Variants in PRRX2 observed in about 807,000 individuals in gnomAD.
The protein encoded by PRRX2 is paired mesoderm homeobox protein 2.
A neutral mutation model predicts 18.0 loss-of-function variants in PRRX2; 11 were observed. That is an observed-to-expected ratio of 0.61 (90% CI 0.39 to 1.01). The LOEUF is 1.01. PRRX2 is among the 50% of genes least tolerant of loss of function. The pLI is 0.01. For missense variants in PRRX2, 387 were observed against 351.0 expected (o/e 1.10, Z -0.82); for synonymous variants, 177 against 154.8 (o/e 1.14, Z -1.06).
At chr9:129,668,838 G>A (rs1832062379) in intron 1 of PRRX2, among the ~76,000 whole-genome samples, 2 of 151,342 alleles carry the variant, frequency 1.3e-5, no homozygotes, top group South Asian at 4.2e-4. Flanking sequence ...CACCAAAGAG[G>A]GAGTGCCCCC....
chr9:129,695,491 C>T lies in PRRX2; in HGVS notation c.260-23740C>T, dbSNP rs1351539837. Among the ~76,000 whole-genome samples, 2 of 152,340 alleles carry T rather than the reference C, an allele frequency of 1.3e-5. No homozygotes were observed. Among genetic ancestry groups the T allele is most frequent in the Admixed American group, 6.5e-5 (1 of 15,306 alleles). ...GCTTCTTTGGTTTGGTTTTTATACA[C>T]CCCACAGCCTTGTTGTGTTTACCCC... is the stretch of plus-strand genomic sequence containing the variant. On this transcript the variant is annotated intron_variant, in intron 1 of 3. Transcript: ENST00000372469. This position sits in a 1 kb window ranked among gnomAD's most constrained non-coding sequence, Gnocchi z 4.8.
At position 129,715,982 on chromosome 9, in the gene PRRX2, T is replaced by C. The variant is rs1832701966; in HGVS notation, c.260-3249T>C. Among the ~76,000 whole-genome samples the C allele has an allele frequency of 6.6e-6, 1 of 152,062 alleles. No homozygotes were observed. Among genetic ancestry groups the C allele is most frequent in the Non-Finnish European group, 1.5e-5 (1 of 68,018 alleles). ...AATGCCCAGTACTGTGCAAAGAACA[T>C]CGGGTGTAAAATGGGAACATGTAAC... On this transcript the variant is annotated intron_variant, in intron 1 of 3. Transcript: ENST00000372469. This position sits in a 1 kb window ranked among gnomAD's most constrained non-coding sequence, Gnocchi z 4.0.
chr9:129,682,177 A>AG (rs939493365), intron 1 of PRRX2, among the ~76,000 whole-genome samples: 2 of 151,994 alleles, frequency 1.3e-5, no homozygotes, highest in Non-Finnish European at 2.9e-5. Context: ...CCCTGGGGCA[A>AG]GGGGCTTCTT....
At chr9:129,666,765 G>C (rs957993124) in intron 1 of PRRX2, among the ~76,000 whole-genome samples, 4 of 152,190 alleles carry the variant, frequency 2.6e-5, no homozygotes, top group African/African-American at 9.6e-5. Flanking sequence ...GGGGAGGGAC[G>C]GGGAGAAGAT....
chr9:129,674,872 C>T (rs1832144679), intron 1 of PRRX2, among the ~76,000 whole-genome samples: 1 of 152,172 alleles, frequency 6.6e-6, no homozygotes, highest in African/African-American at 2.4e-5. Flanking sequence ...TCCCAGGAGT[C>T]ACTGCGTCAG....
At chr9:129,691,482 A>C (rs1467779484) in intron 1 of PRRX2, among the ~76,000 whole-genome samples, 1 of 152,012 alleles carries the variant, frequency 6.6e-6, no homozygotes, top group African/African-American at 2.4e-5. Flanking sequence ...GGATGGTAGG[A>C]ATACCACACA....
intron 1 of PRRX2, among the ~76,000 whole-genome samples, chr9:129,676,934 C>T (rs1832168230): frequency 1.3e-5 from 2 of 152,224 alleles, no homozygotes; most frequent in African/African-American, 4.8e-5. Flanking sequence ...TGTTTCATTT[C>T]CCCTCATGGT....
Position 129,665,795 on chromosome 9 carries a change from G to C in PRRX2, c.-73G>C. 1.0e-6 allele frequency: 1 copy of C among 991,050 alleles called. No homozygotes were observed. The highest frequency in any genetic ancestry group is 1.2e-6 in the Non-Finnish European group (1 of 829,602). The allele number at this position is 991,050 out of a possible 1,614,324, so 61.4% of individuals were successfully genotyped here. Reference sequence around the variant, plus strand: ...GCGGGGCGGCCGGGGCTCTCGCTCCGACCCGCGCCCGCGACCCTTCCTGGG... The same window carrying C: ...GCGGGGCGGCCGGGGCTCTCGCTCCCACCCGCGCCCGCGACCCTTCCTGGG... On this transcript the variant is annotated 5_prime_UTR_variant, in exon 1 of 4. Coordinates refer to ENST00000372469, the MANE Select transcript of PRRX2 (RefSeq NM_016307.4). This position sits in a 1 kb window ranked among gnomAD's most constrained non-coding sequence, Gnocchi z 5.3.
chr9:129,681,433 T>C (rs1048022035), intron 1 of PRRX2, among the ~76,000 whole-genome samples: 1 of 152,078 alleles, frequency 6.6e-6, no homozygotes, highest in Non-Finnish European at 1.5e-5. Flanking sequence ...GGCAGGAGAA[T>C]TGCTTGAACC....
At chr9:129,689,049 C>T (rs1342565876) in intron 1 of PRRX2, among the ~76,000 whole-genome samples, 2 of 152,300 alleles carry the variant, frequency 1.3e-5, no homozygotes, top group South Asian at 2.1e-4. Flanking sequence ...TCGTTGGCTG[C>T]GGGTAGGCTC....
chr9:129,686,123 G>A (rs1588165578), intron 1 of PRRX2, among the ~76,000 whole-genome samples: 2 of 152,202 alleles, frequency 1.3e-5, no homozygotes, highest in Admixed American at 1.3e-4. Context: ...AGGATGGCTT[G>A]TAGTGGGTGG....
rs1369568976 is a variant in PRRX2 at position 129,698,319 on chromosome 9, CG to C, written c.260-20911del. 2.1e-5 allele frequency among the ~76,000 whole-genome samples: 3 copies of C among 144,572 alleles called. No homozygotes were observed. The Admixed American group carries it at 2.1e-4, about 10-fold the overall frequency. The allele number at this position is 144,572 out of a possible 152,430, so 94.8% of individuals were successfully genotyped here. On this transcript the variant is annotated intron_variant, in intron 1 of 3. Coordinates refer to ENST00000372469, the MANE Select transcript of PRRX2 (RefSeq NM_016307.4). The stretch of plus-strand genomic sequence containing the variant: ...TCCATGGTTCTCCACCAAAAGGAAG[CG>C]TAAGACCAGGCGGTGGTGCTGCCAG...
intron 3 of PRRX2, among the ~76,000 whole-genome samples, chr9:129,720,999 A>G (rs1045551841): frequency 1.3e-5 from 2 of 150,292 alleles, no homozygotes; most frequent in Admixed American, 1.3e-4. Context: ...GTGTGTGTCA[A>G]CGTACATGTG....
In PRRX2 at chr9:129,695,014, T is replaced by G. The variant is rs1832403710; in HGVS notation, c.260-24217T>G. Among the ~76,000 whole-genome samples, 1 of 152,040 alleles carries G rather than the reference T, an allele frequency of 6.6e-6. No homozygotes were observed. The highest frequency in any genetic ancestry group is 1.5e-5 in the Non-Finnish European group (1 of 68,000). On this transcript the variant is annotated intron_variant, in intron 1 of 3. Transcript: ENST00000372469. This position sits in a 1 kb window ranked among gnomAD's most constrained non-coding sequence, Gnocchi z 4.8. The stretch of plus-strand genomic sequence containing the variant: ...ACCATGGAGGAGGAATGGGGCGAGC[T>G]GCAGGCTGGCTCAGAGGGGTCTGGG...
intron 1 of PRRX2, among the ~76,000 whole-genome samples, chr9:129,685,317 G>T (rs368482476): frequency 1.3e-5 from 2 of 152,230 alleles, no homozygotes; most frequent in African/African-American, 4.8e-5. Context: ...TCCGCTTGCC[G>T]TGCCATCACA....
Position 129,719,251 on chromosome 9 carries a change from C to T in PRRX2, c.280C>T (p.Arg94Cys). 2 of 1,599,280 alleles carry T rather than the reference C, an allele frequency of 1.3e-6. No homozygotes were observed. The highest frequency in any genetic ancestry group is 1.1e-5 in the South Asian group (1 of 89,066). Residue 94 changes from arginine to cysteine, a missense_variant, in exon 2 of 4, where the codon CGC becomes TGC. Physicochemically the swap from Arg to Cys is radical, Grantham distance 180. Coordinates refer to ENST00000372469, the MANE Select transcript of PRRX2 (RefSeq NM_016307.4). ...CGCAGGTGAGTGTCCCAGCCCGGGG[C>T]GCGGTAGCGCCGCCAAGCGGAAGAA... ...PQDGECPSPGRGSAAKRKKKQ... is the reference protein window; with the variant it reads ...PQDGECPSPGCGSAAKRKKKQ...
At position 129,671,299 on chromosome 9, in the gene PRRX2, G is replaced by T. The variant is rs374308065; in HGVS notation, c.259+5173G>T. On this transcript the variant is annotated intron_variant, in intron 1 of 3. Coordinates refer to ENST00000372469, the MANE Select transcript of PRRX2 (RefSeq NM_016307.4). The surrounding 1 kb of genome is among the most constrained non-coding windows in gnomAD (Gnocchi z 4.0). ...TGCTGGGCCTCCCAGCGTGGCTAGG[G>T]CGGGACAGTGGCCTGCATCTCGGCC... Among the ~76,000 whole-genome samples, 1 of 152,206 alleles carries T rather than the reference G, an allele frequency of 6.6e-6. No homozygotes were observed. Among genetic ancestry groups the T allele is most frequent in the African/African-American group, 2.4e-5 (1 of 41,452 alleles).
intron 1 of PRRX2, among the ~76,000 whole-genome samples, chr9:129,684,532 A>ACACACACACACACACACACACCCCC (rs1165343797): frequency 7.1e-6 from 1 of 140,282 alleles, no homozygotes; most frequent in Non-Finnish European, 1.5e-5. Context: ...ACCCACACAC[A>ACACACACACACACACACACACCCCC]CCCCAACAGA....
intron 1 of PRRX2, among the ~76,000 whole-genome samples, chr9:129,698,603 C>G (rs531734810): frequency 1.1e-4 from 17 of 152,232 alleles, no homozygotes; most frequent in Non-Finnish European, 2.2e-4. Flanking sequence ...CTAATCCCTG[C>G]TAGGCGCGTG....
Sources: allele counts gnomAD v4.1 joint callset (sites outside exome capture counted in the v4.1 genomes callset), GRCh38; gene constraint gnomAD v4.1.1; non-coding constraint Gnocchi (gnomAD v3.1); transcripts MANE v1.5; gene names NCBI Gene and HGNC (gene_info 2026-07-23, HGNC 2026-07-21).